PPP4R4: variants seen among roughly 807,000 people sequenced by gnomAD.
PPP4R4 encodes the protein serine/threonine-protein phosphatase 4 regulatory subunit 4.
Under a neutral mutation model 121.8 loss-of-function variants are expected in PPP4R4, and 70 were observed. The observed-to-expected ratio is 0.57, with a 90% CI of 0.47 to 0.70. PPP4R4 has a LOEUF of 0.70. Among genes scored for constraint, PPP4R4 ranks in the 30% least tolerant of loss-of-function variants. PPP4R4 has a pLI of 0.00. For synonymous variants in PPP4R4, 348 were observed against 355.7 expected, an observed-to-expected ratio of 0.98 and a Z score of 0.24; for missense variants, 875 against 1,033.6, an observed-to-expected ratio of 0.85 and a Z score of 2.10.
intron 7 of PPP4R4, among the ~76,000 whole-genome samples, chr14:94,235,933 G>T (rs1892322526): frequency 2.6e-5 from 4 of 152,224 alleles, no homozygotes; most frequent in Admixed American, 2.6e-4. Flanking sequence ...CTGGTTCTTT[G>T]TTGCACAAGC....
At position 94,217,916 on chromosome 14, in the gene PPP4R4, C is replaced by T. The variant is rs543226129; in HGVS notation, c.294+9350C>T. Among the ~76,000 whole-genome samples, 15 of 152,290 alleles carry T rather than the reference C, an allele frequency of 9.8e-5. No homozygotes were observed. In the East Asian group the frequency reaches 2.9e-3, roughly 29 times the overall value. On this transcript the variant is annotated intron_variant, in intron 3 of 24. Coordinates refer to ENST00000304338, the MANE Select transcript of PPP4R4 (RefSeq NM_058237.2). Reference sequence around the variant, plus strand: ...GGCTGAGGCAGGAGAATCGCTTGAACCCGGGAGGCGGAGGTTGCGGTGAGC... The same window carrying T: ...GGCTGAGGCAGGAGAATCGCTTGAATCCGGGAGGCGGAGGTTGCGGTGAGC...
chr14:94,180,816 C>CT (rs532453211), intron 2 of PPP4R4, among the ~76,000 whole-genome samples: 13 of 148,436 alleles, frequency 8.8e-5, no homozygotes, highest in South Asian at 2.1e-4. Context: ...TTATTTGGAA[C>CT]TTTTTTTTTT....
At chr14:94,260,428 C>CA (rs935685680) in intron 19 of PPP4R4, among the ~76,000 whole-genome samples, 5 of 151,498 alleles carry the variant, frequency 3.3e-5, no homozygotes, top group African/African-American at 4.9e-5. Context: ...TCTGTCCCCC[C>CA]AAAAAACAAA....
chr14:94,177,613 A>G (rs1888748894), intron 2 of PPP4R4, among the ~76,000 whole-genome samples: 1 of 152,230 alleles, frequency 6.6e-6, no homozygotes, highest in African/African-American at 2.4e-5. Context: ...TCTTTTCTTT[A>G]GTATAAACAC....
At chr14:94,198,125 A>G (rs1197466492) in intron 2 of PPP4R4, among the ~76,000 whole-genome samples, 2 of 152,180 alleles carry the variant, frequency 1.3e-5, no homozygotes, top group Non-Finnish European at 2.9e-5. Context: ...ACTTTTCCAA[A>G]ATGATCGTAT....
intron 3 of PPP4R4, among the ~76,000 whole-genome samples, chr14:94,228,082 A>T (rs1442089586): frequency 6.6e-6 from 1 of 152,166 alleles, no homozygotes; most frequent in Non-Finnish European, 1.5e-5. Context: ...AACATGTAAA[A>T]TAATGTTTTT....
chr14:94,210,846 A>T (rs567751047), intron 3 of PPP4R4, among the ~76,000 whole-genome samples: 1 of 152,296 alleles, frequency 6.6e-6, no homozygotes, highest in South Asian at 2.1e-4. Context: ...CAAACATTTA[A>T]TCACTCCCAT....
At chr14:94,214,091 A>G (rs1339081081) in intron 3 of PPP4R4, among the ~76,000 whole-genome samples, 1 of 152,180 alleles carries the variant, frequency 6.6e-6, no homozygotes, top group Non-Finnish European at 1.5e-5. Flanking sequence ...CTGGCAGATA[A>G]TAGGCACTCA....
At position 94,234,627 on chromosome 14, in the gene PPP4R4, C is replaced by A. The variant is rs750864680; in HGVS notation, c.689C>A (p.Ser230Tyr). ...LCQDVEYEVR[S>Y]CMCRQLENIA... ...CAAGATGTAGAATATGAAGTTCGAT[C>A]TTGTATGTGTCGGCAATTAGAAAAT... Residue 230 changes from serine to tyrosine, a missense_variant, in exon 7 of 25, where the codon TCT (serine) becomes TAT (tyrosine). Coordinates refer to ENST00000304338, the MANE Select transcript of PPP4R4 (RefSeq NM_058237.2). 2 of 1,608,500 alleles carry A rather than the reference C, an allele frequency of 1.2e-6. No individual in the cohort carries two copies. The highest frequency in any genetic ancestry group is 1.7e-5 in the Admixed American group (1 of 59,906).
Position 94,240,692 on chromosome 14 carries a change from A to G in PPP4R4, c.873A>G (p.Ile291Met). 6.2e-7 allele frequency: 1 copy of G among 1,606,214 alleles called. No individual in the cohort carries two copies. Among genetic ancestry groups the G allele is most frequent in the Non-Finnish European group, 8.5e-7 (1 of 1,177,506 alleles). ...IFDTDDRSQT[I>M]LPLVKSFCEK... Reference sequence around the variant, plus strand: ...TTCCAGATGACAGAAGTCAAACTATACTTCCCTTAGTGAAATCATTTTGTG... The same window carrying G: ...TTCCAGATGACAGAAGTCAAACTATGCTTCCCTTAGTGAAATCATTTTGTG... Residue 291 changes from isoleucine (I) to methionine (M), a missense_variant, in exon 9 of 25, where the codon ATA becomes ATG. By Grantham distance (10) the Ile-to-Met change is conservative (BLOSUM62 1). Coordinates refer to ENST00000304338, the MANE Select transcript of PPP4R4 (RefSeq NM_058237.2).
At chr14:94,219,937 A>G (rs1891294125) in intron 3 of PPP4R4, among the ~76,000 whole-genome samples, 1 of 152,174 alleles carries the variant, frequency 6.6e-6, no homozygotes, top group South Asian at 2.1e-4. Context: ...CTTAAAATAA[A>G]ATAAGGCCTG....
chr14:94,270,944 C>A (rs1356903323), intron 23 of PPP4R4, among the ~76,000 whole-genome samples: 86 of 149,480 alleles, frequency 5.8e-4, no homozygotes, highest in Non-Finnish European at 8.6e-4. Flanking sequence ...ACAACAACAA[C>A]AAAAAAAGAC....
intron 2 of PPP4R4, among the ~76,000 whole-genome samples, chr14:94,195,337 C>T (rs539410602): frequency 2.0e-4 from 31 of 152,306 alleles, no homozygotes; most frequent in Middle Eastern, 3.4e-3. Context: ...CCAGTTTTAA[C>T]AAGCCCTGTA....
intron 2 of PPP4R4, among the ~76,000 whole-genome samples, chr14:94,186,215 C>T (rs1262268121): frequency 6.6e-6 from 1 of 152,088 alleles, no homozygotes; most frequent in Non-Finnish European, 1.5e-5. Flanking sequence ...TGAACATATC[C>T]GTCACTCCCA....
At chr14:94,183,068 A>G (rs1482883055) in intron 2 of PPP4R4, among the ~76,000 whole-genome samples, 2 of 152,162 alleles carry the variant, frequency 1.3e-5, no homozygotes, top group African/African-American at 2.4e-5. Context: ...GGGGAGTTCT[A>G]TAAGGTTTTA....
chr14:94,273,295 G>A (rs1040792866), intron 23 of PPP4R4, among the ~76,000 whole-genome samples: 4 of 152,120 alleles, frequency 2.6e-5, no homozygotes, highest in Non-Finnish European at 4.4e-5. Flanking sequence ...ATTATGCAGT[G>A]CTAAAATGAA....
At chr14:94,188,099 A>G (rs964039096) in intron 2 of PPP4R4, among the ~76,000 whole-genome samples, 1 of 152,140 alleles carries the variant, frequency 6.6e-6, no homozygotes, top group Non-Finnish European at 1.5e-5. Flanking sequence ...TATAGATACC[A>G]TTAGGTTAAG....
At chr14:94,261,426 T>C (rs1221750533) in intron 19 of PPP4R4, among the ~76,000 whole-genome samples, 2 of 152,138 alleles carry the variant, frequency 1.3e-5, no homozygotes, top group African/African-American at 4.8e-5. Flanking sequence ...CCTTGTATCT[T>C]ATAAACTTTC....
At position 94,275,378 on chromosome 14, in the gene PPP4R4, T is replaced by C; in HGVS notation, c.2454T>C (p.Asp818=). ...GKTSVLSLAD[D]SFRTRNASSV... ...CTTTATATGTATTGCTTTCAGATGA[T>C]TCATTCCGGACTCGTAATGCCAGTA... is the stretch of plus-strand genomic sequence containing the variant. The change falls in exon 24 of 25, where the codon GAT becomes GAC. Residue 818 remains aspartate, a synonymous_variant. Transcript: ENST00000304338. The C allele has an allele frequency of 6.2e-7, 1 of 1,613,910 alleles. No individual in the cohort carries two copies. The highest frequency in any genetic ancestry group is 1.6e-4 in the Middle Eastern group (1 of 6,062).
Sources: gnomAD v4.1 joint callset for allele counts (sites outside exome capture counted in the v4.1 genomes callset) on GRCh38, gnomAD v4.1.1 for gene constraint, MANE v1.5 for transcripts, NCBI Gene and HGNC (gene_info 2026-07-23, HGNC 2026-07-21) for gene names.